PMPCB: variants seen among roughly 807,000 people sequenced by gnomAD.
PMPCB encodes the protein peptidase, mitochondrial processing subunit beta, also known as mitochondrial-processing peptidase subunit beta.
In PMPCB, 46 loss-of-function variants were observed where a neutral mutation model predicts 61.5. That is an observed-to-expected ratio of 0.75 (90% CI 0.59 to 0.96). The LOEUF (loss-of-function observed/expected upper bound fraction) is 0.96, where lower values mean the gene tolerates loss of function less well. PMPCB is among the 40% of genes least tolerant of loss of function. The probability of loss-of-function intolerance (pLI) is 0.00; values close to 1 mark genes in which losing one functional copy is unlikely to be tolerated. For missense variants in PMPCB, 590 were observed against 602.4 expected, an observed-to-expected ratio of 0.98 and a Z score of 0.22; for synonymous variants, 191 against 201.6, an observed-to-expected ratio of 0.95 and a Z score of 0.44.
At chr7:103,327,132 T>C (rs1284604147) in intron 12 of PMPCB, among the ~76,000 whole-genome samples, 1 of 152,140 alleles carries the variant, frequency 6.6e-6, no homozygotes, top group Non-Finnish European at 1.5e-5. Context: ...CATTTAGAAA[T>C]GGTGGTAACC....
chr7:103,320,470 T>C (rs1261470098), intron 12 of PMPCB, among the ~76,000 whole-genome samples: 1 of 151,990 alleles, frequency 6.6e-6, no homozygotes, highest in Non-Finnish European at 1.5e-5. Context: ...CATCTTACCA[T>C]TATCAAACCA....
At chr7:103,320,789 A>G in intron 12 of PMPCB, 1 of 178,110 alleles carries the variant, frequency 5.6e-6, no homozygotes, top group Non-Finnish European at 1.1e-5. Context: ...ATATATTCTG[A>G]AACTGTGTCT....
chr7:103,321,325 T>C (rs1317351774), intron 12 of PMPCB, among the ~76,000 whole-genome samples: 1 of 152,086 alleles, frequency 6.6e-6, no homozygotes, highest in Admixed American at 6.5e-5. Flanking sequence ...AAGACCAGCC[T>C]GGCCAACACA....
In PMPCB at chr7:103,304,476, T is replaced by C. The variant is rs761018629; in HGVS notation, c.722T>C (p.Leu241Pro). 1 of 1,603,118 alleles carries C rather than the reference T, an allele frequency of 6.2e-7. No homozygotes were observed. The highest frequency in any genetic ancestry group is 1.1e-5 in the South Asian group (1 of 90,856). ...CATTATAAGGGGCCAAGAATAGTGC[T>C]TGCTGCTGCTGGAGGTTAGTCAATT... Reference protein sequence around the residue: ...TTHYKGPRIVLAAAGGVSHDE... With the variant: ...TTHYKGPRIVPAAAGGVSHDE... Residue 241 changes from leucine to proline, a missense_variant, in exon 6 of 13, where the codon CTT becomes CCT. Physicochemically the swap from Leu to Pro is moderately conservative, Grantham distance 98. Transcript: ENST00000249269.
chr7:103,313,656 G>A lies in PMPCB; in HGVS notation c.*1385G>A. ...AGATTAGATTGTGTTGTAGTGTGGT[G>A]TTCTCTTCGTCACATCTGCTAAAAT... On this transcript the variant is annotated 3_prime_UTR_variant, in exon 13 of 13. Transcript: ENST00000249269. 1 of 985,420 alleles carries A rather than the reference G, an allele frequency of 1.0e-6. No homozygotes were observed. The highest frequency in any genetic ancestry group is 1.2e-6 in the Non-Finnish European group (1 of 829,926). 61.0% of individuals were successfully genotyped at this position (985,420 alleles called of 1,614,324 possible).
chr7:103,346,893 T>C, the PMPCB span, among the ~76,000 whole-genome samples: 57 of 152,324 alleles, frequency 3.7e-4, no homozygotes, highest in African/African-American at 1.3e-3. Context: ...TATCCATTCA[T>C]ATGTAGATGG....
the PMPCB span, among the ~76,000 whole-genome samples, chr7:103,346,915 G>A: frequency 6.6e-6 from 1 of 152,100 alleles, no homozygotes; most frequent in East Asian, 1.9e-4. Context: ...CACTTGGGTT[G>A]CTTCCACCTT....
At chr7:103,324,642 A>T (rs1393233495) in intron 12 of PMPCB, 2 of 1,200,194 alleles carry the variant, frequency 1.7e-6, no homozygotes, top group African/African-American at 3.2e-5. Context: ...ATTTATTAAA[A>T]ACAATAATTT....
chr7:103,297,508 C>T lies in PMPCB; in HGVS notation c.49C>T (p.Arg17Trp), dbSNP rs200262738. ...RVVLSSAARRRLWGFSESLLI... is the reference protein window; with the variant it reads ...RVVLSSAARRWLWGFSESLLI... ...GGTGTTGTCATCCGCGGCGCGGCGG[C>T]GGCTCTGGGGTTTCAGCGAGAGTCT... Residue 17 changes from arginine to tryptophan, a missense_variant, in exon 1 of 13, where the codon CGG becomes TGG. Arg to Trp is a moderately radical substitution (Grantham distance 101). Transcript: ENST00000249269. 11 of 1,583,808 alleles carry T rather than the reference C, an allele frequency of 6.9e-6. No individual in the cohort carries two copies. In the East Asian group the frequency reaches 2.5e-4, roughly 36 times the overall value.
At chr7:103,341,479 C>T in the PMPCB span, among the ~76,000 whole-genome samples, 2 of 152,194 alleles carry the variant, frequency 1.3e-5, no homozygotes, top group Admixed American at 1.3e-4. Flanking sequence ...CTTACTCCTT[C>T]TGCCCAGAAT....
At chr7:103,318,062 T>C (rs1818169313), downstream of PMPCB, among the ~76,000 whole-genome samples, 1 of 152,222 alleles carries the variant, frequency 6.6e-6, no homozygotes, top group Non-Finnish European at 1.5e-5. Context: ...TAATCAAAGA[T>C]TTGCAGTAAT....
intron 12 of PMPCB, among the ~76,000 whole-genome samples, chr7:103,326,096 C>T (rs769086246): frequency 1.3e-5 from 2 of 152,016 alleles, no homozygotes; most frequent in Non-Finnish European, 2.9e-5. Flanking sequence ...CTCCCGTCTC[C>T]GCCTCCCGAG....
chr7:103,340,844 A>G, the PMPCB span, among the ~76,000 whole-genome samples: 4 of 152,122 alleles, frequency 2.6e-5, no homozygotes, highest in Non-Finnish European at 5.9e-5. Flanking sequence ...ACCAATTTCT[A>G]ACCATCTACT....
chr7:103,321,552 T>C lies in PMPCB; in HGVS notation c.*1432-7379T>C, dbSNP rs186138357. ...AATAAATAAAAATAATTTTTTTTTTTCAAGAAATATTTTGGCTGGGTGCAG... is the reference window on the plus strand; with the variant it reads ...AATAAATAAAAATAATTTTTTTTTTCCAAGAAATATTTTGGCTGGGTGCAG... On this transcript the variant is annotated intron_variant and NMD_transcript_variant, in intron 12 of 12. Coordinates refer to the PMPCB transcript ENST00000444457. 5.5e-3 allele frequency among the ~76,000 whole-genome samples: 827 copies of C among 150,854 alleles called. 5 individuals carry two copies. The highest frequency in any genetic ancestry group is 0.019 in the African/African-American group (771 of 41,102).
chr7:103,324,243 A>C (rs759754400), intron 12 of PMPCB, among the ~76,000 whole-genome samples: 9 of 152,200 alleles, frequency 5.9e-5, no homozygotes, highest in African/African-American at 1.2e-4. Flanking sequence ...AAATGTACTT[A>C]TTTTTATTCA....
At chr7:103,301,361 A>G (rs1460587499) in intron 4 of PMPCB, among the ~76,000 whole-genome samples, 1 of 152,260 alleles carries the variant, frequency 6.6e-6, no homozygotes, top group Non-Finnish European at 1.5e-5. Context: ...GATGGAGGGT[A>G]TGTTGGTTTG....
Position 103,298,561 on chromosome 7 carries a change from C to T in PMPCB, c.100-7C>T, listed in dbSNP as rs1226694601. ...CTTTGTCTCTTCCACTTCCTACCCCCAACCAGTCATTATATTTTGGAGAGA... is the reference window on the plus strand; with the variant it reads ...CTTTGTCTCTTCCACTTCCTACCCCTAACCAGTCATTATATTTTGGAGAGA... On this transcript the variant is annotated splice_region_variant and splice_polypyrimidine_tract_variant and intron_variant, in intron 1 of 12. Transcript: ENST00000249269. The T allele has an allele frequency of 6.2e-7, 1 of 1,613,472 alleles. No homozygotes were observed. Among genetic ancestry groups the T allele is most frequent in the African/African-American group, 1.3e-5 (1 of 75,028 alleles).
chr7:103,304,082 A>G lies in PMPCB; in HGVS notation c.656+42A>G, dbSNP rs186144765. ...TTCTTGGTGTATAAGGGAATTTATG[A>G]ATGTTGAAAATAAACATTTACAAAT... On this transcript the variant is annotated intron_variant, in intron 5 of 12. Coordinates refer to ENST00000249269, the MANE Select transcript of PMPCB (RefSeq NM_004279.3). The G allele has an allele frequency of 2.5e-3, 3,403 of 1,352,534 alleles. 21 individuals carry two copies. Among genetic ancestry groups the G allele is most frequent in the South Asian group, 0.01 (810 of 80,498 alleles). 83.8% of individuals were successfully genotyped at this position (1,352,534 alleles called of 1,614,324 possible). A position where few individuals can be genotyped will look rare whatever the true frequency, so the allele number is the denominator to read the frequency against.
intron 6 of PMPCB, among the ~76,000 whole-genome samples, chr7:103,306,545 A>AC (rs953323339): frequency 4.0e-5 from 6 of 151,676 alleles, no homozygotes; most frequent in Non-Finnish European, 7.4e-5. Flanking sequence ...ATCACACCTG[A>AC]CTAATTTTGT....
Sources: allele counts gnomAD v4.1 joint callset (sites outside exome capture counted in the v4.1 genomes callset), GRCh38; gene constraint gnomAD v4.1.1; transcripts MANE v1.5; gene names NCBI Gene and HGNC (gene_info 2026-07-23, HGNC 2026-07-21).